Variants in SV2C observed in about 807,000 individuals in gnomAD.
SV2C encodes the protein solute carrier family 22 member B3.
A neutral mutation model predicts 79.7 loss-of-function variants in SV2C; 49 were observed. The observed-to-expected ratio is 0.61, with a 90% CI of 0.49 to 0.78. SV2C has a LOEUF of 0.78. Ranked by LOEUF, SV2C falls within the 30% of genes least tolerant of loss-of-function variation. SV2C has a pLI of 0.00. For missense variants in SV2C, 833 were observed against 912.9 expected (o/e 0.91, Z 1.13); for synonymous variants, 334 against 333.2 (o/e 1.00, Z -0.03).
rs142858499 is a variant in SV2C, at chr5:76,087,912, TTA to T, written c.-102+4406_-102+4407del. Among the ~76,000 whole-genome samples, 260 of 152,316 alleles carry T rather than the reference TTA, an allele frequency of 1.7e-3. 6 individuals carry two copies. In the East Asian group the frequency reaches 0.049, roughly 28 times the overall value. On this transcript the variant is annotated intron_variant, in intron 1 of 12. Transcript: ENST00000502798. ...GTTGGGAATGACTCCATGGAGACAG[TTA>T]TATATTTGGTAGCAAAGAAGGGAAG...
chr5:76,049,024 A>AAAAAGAAAGAAAGAAAGAG, the SV2C span, among the ~76,000 whole-genome samples: 1 of 120,612 alleles, frequency 8.3e-6, no homozygotes, highest in Admixed American at 8.5e-5. Context: ...AGAAAGAAAG[A>AAAAAGAAAGAAAGAAAGAG]AAAAGAAAAG....
the SV2C span, among the ~76,000 whole-genome samples, chr5:75,976,368 C>T: frequency 6.6e-6 from 1 of 152,050 alleles, no homozygotes; most frequent in Non-Finnish European, 1.5e-5. Context: ...AGAGAAAGAC[C>T]TATAGTTGTT....
At chr5:75,884,743 G>A in the SV2C span, among the ~76,000 whole-genome samples, 30 of 151,744 alleles carry the variant, frequency 2.0e-4, no homozygotes, top group African/African-American at 3.1e-4. Context: ...TACATGCACC[G>A]AAACATCACA....
rs964844278 is a variant in SV2C at position 76,199,441 on chromosome 5, G to T, written c.761+4342G>T. Among the ~76,000 whole-genome samples the T allele has an allele frequency of 2.6e-5, 4 of 152,180 alleles. No individual in the cohort carries two copies. In the East Asian group the frequency reaches 7.7e-4, roughly 29 times the overall value. On this transcript the variant is annotated intron_variant, in intron 3 of 12. Transcript: ENST00000502798. ...TTCTCCCAGGGCCCTCCCACTCACA[G>T]CTTCCCAGAGGCGTTTCCTGAGACC...
chr5:76,119,714 A>C (rs889041071), intron 1 of SV2C, among the ~76,000 whole-genome samples: 38 of 152,028 alleles, frequency 2.5e-4, no homozygotes, highest in East Asian at 1.3e-3. Flanking sequence ...GGAAAAAAAA[A>C]CAAAAAACAA....
intron 1 of SV2C, among the ~76,000 whole-genome samples, chr5:76,122,199 G>C (rs1256429532): frequency 6.6e-6 from 1 of 151,324 alleles, no homozygotes; most frequent in South Asian, 2.1e-4. Flanking sequence ...AAGAATGCTT[G>C]TAATTTTTGT....
the SV2C span, among the ~76,000 whole-genome samples, chr5:75,866,142 G>C: frequency 1.3e-5 from 2 of 152,114 alleles, no homozygotes; most frequent in Admixed American, 6.5e-5. Context: ...AAGAAGATCA[G>C]TCTTTTACCT....
chr5:75,901,431 G>A, the SV2C span, among the ~76,000 whole-genome samples: 1 of 152,162 alleles, frequency 6.6e-6, no homozygotes, highest in Non-Finnish European at 1.5e-5. Flanking sequence ...CTGCTGTCTG[G>A]TCGTTCCTCT....
At chr5:76,097,186 A>G (rs1384127288) in intron 1 of SV2C, among the ~76,000 whole-genome samples, 1 of 152,192 alleles carries the variant, frequency 6.6e-6, no homozygotes, top group Non-Finnish European at 1.5e-5. Flanking sequence ...GTCCCAGCAG[A>G]TATCTATTTA....
In SV2C at chr5:76,285,284, T is replaced by C. The variant is rs768150226; in HGVS notation, c.1036T>C (p.Phe346Leu). The C allele has an allele frequency of 6.2e-7, 1 of 1,614,182 alleles. No homozygotes were observed. The change falls in exon 5 of 13, where the codon TTC (phenylalanine) becomes CTC (leucine). Residue 346 changes from phenylalanine to leucine, a missense_variant. Coordinates refer to ENST00000502798, the MANE Select transcript of SV2C (RefSeq NM_014979.4). ...ALTFMPESPR[F>L]LLEVGKHDEA... is the part of the protein sequence containing the mutation. ...CACATTCATGCCTGAAAGCCCACGA[T>C]TCTTGTTGGAGGTAACACTTATTAT...
the SV2C span, among the ~76,000 whole-genome samples, chr5:75,873,158 G>A: frequency 5.3e-5 from 8 of 152,088 alleles, no homozygotes; most frequent in African/African-American, 7.2e-5. Context: ...AGTAAAGTGT[G>A]TGTTAATAAT....
In SV2C at chr5:76,339,693, G is replaced by A. The variant is rs555548432; in HGVS notation, c.2001-13437G>A. ...TGTGCCACTGCACTCCAGCCTGGGC[G>A]ACAGAGTGAGACTCTGTCTCAAAAA... On this transcript the variant is annotated intron_variant, in intron 12 of 12. Transcript: ENST00000322285. Among the ~76,000 whole-genome samples, 38 of 147,294 alleles carry A rather than the reference G, an allele frequency of 2.6e-4. No homozygotes were observed. In the East Asian group the frequency reaches 4.0e-3, roughly 15 times the overall value.
At chr5:76,044,210 T>C in the SV2C span, among the ~76,000 whole-genome samples, 1 of 152,208 alleles carries the variant, frequency 6.6e-6, no homozygotes, top group Non-Finnish European at 1.5e-5. Context: ...GGCTTCCAGC[T>C]CTATCCATAT....
chr5:76,016,664 A>G, the SV2C span, among the ~76,000 whole-genome samples: 3,978 of 152,280 alleles, frequency 0.026, 75 homozygotes, highest in Middle Eastern at 0.058. Context: ...AATGAGTAAA[A>G]CAACATAAAG....
intron 4 of SV2C, among the ~76,000 whole-genome samples, chr5:76,228,261 G>A (rs1368597370): frequency 6.6e-6 from 1 of 152,034 alleles, no homozygotes; most frequent in African/African-American, 2.4e-5. Flanking sequence ...GATTCACCTG[G>A]GCGTTTCTCA....
At chr5:76,105,092 C>G (rs987863577) in intron 1 of SV2C, among the ~76,000 whole-genome samples, 1 of 151,928 alleles carries the variant, frequency 6.6e-6, no homozygotes, top group Admixed American at 6.6e-5. Flanking sequence ...GAAGGTGGGC[C>G]GTAAATCCAA....
the SV2C span, among the ~76,000 whole-genome samples, chr5:75,852,448 TTA>T: frequency 6.6e-6 from 1 of 152,150 alleles, no homozygotes; most frequent in African/African-American, 2.4e-5. Context: ...CAGACGAGAA[TTA>T]TGATTGACTT....
At chr5:76,030,512 T>C in the SV2C span, among the ~76,000 whole-genome samples, 1 of 152,038 alleles carries the variant, frequency 6.6e-6, no homozygotes, top group East Asian at 1.9e-4. Flanking sequence ...AAGGGACCTA[T>C]AGAAGTAAGT....
chr5:76,194,780 T>C, intron 2 of SV2C, 139 bp from the exon 3 acceptor site: 1 of 989,934 alleles, frequency 1.0e-6, no homozygotes, highest in East Asian at 2.4e-5. Context: ...CTGATTACTG[T>C]GTCCTGAAGG....
Sources: gnomAD v4.1 joint callset for allele counts (sites outside exome capture counted in the v4.1 genomes callset) on GRCh38, gnomAD v4.1.1 for gene constraint, MANE v1.5 for transcripts, NCBI Gene and HGNC (gene_info 2026-07-23, HGNC 2026-07-21) for gene names.